ANKRD11: variants seen among roughly 807,000 people sequenced by gnomAD.
ANKRD11 encodes the protein ankyrin repeat domain 11, also known as ankyrin repeat domain-containing protein 11.
ANKRD11 carries 17 observed loss-of-function variants against 195.7 expected under a neutral mutation model. That is an observed-to-expected ratio of 0.09 (90% CI 0.06 to 0.13). The LOEUF (loss-of-function observed/expected upper bound fraction) is 0.13, where lower values mean the gene tolerates loss of function less well. Among genes scored for constraint, ANKRD11 ranks in the 10% least tolerant of loss-of-function variants. The pLI is 1.00. For missense variants in ANKRD11, 3,735 were observed against 3,566.1 expected, an observed-to-expected ratio of 1.05 and a Z score of -1.21; for synonymous variants, 1,953 against 1,528.1, an observed-to-expected ratio of 1.28 and a Z score of -6.49.
chr16:89,330,410 C>G (rs900304743), intron 2 of ANKRD11, among the ~76,000 whole-genome samples: 2 of 152,106 alleles, frequency 1.3e-5, no homozygotes, highest in African/African-American at 4.8e-5. Context: ...GCTCGCACAC[C>G]GGGAGGGCTG....
intron 1 of ANKRD11, among the ~76,000 whole-genome samples, chr16:89,423,097 G>C (rs545298384): frequency 9.2e-5 from 14 of 152,310 alleles, no homozygotes; most frequent in African/African-American, 3.4e-4. Flanking sequence ...TGGTTTCACA[G>C]CTGTGAGCTC....
At chr16:89,457,538 C>T (rs2056491813) in intron 1 of ANKRD11, among the ~76,000 whole-genome samples, 1 of 146,230 alleles carries the variant, frequency 6.8e-6, no homozygotes, top group South Asian at 2.2e-4. Context: ...GCGGAGGCTG[C>T]AGTGAGCTGA....
At chr16:89,274,322 C>T (rs1316852215) in intron 11 of ANKRD11, among the ~76,000 whole-genome samples, 1 of 152,214 alleles carries the variant, frequency 6.6e-6, no homozygotes, top group East Asian at 1.9e-4. Context: ...CGCCCTGGCC[C>T]AGATGAGCGG....
At chr16:89,317,860 G>C (rs1597610678) in intron 2 of ANKRD11, among the ~76,000 whole-genome samples, 1 of 152,156 alleles carries the variant, frequency 6.6e-6, no homozygotes, top group African/African-American at 2.4e-5. Context: ...CAAATTCCTA[G>C]ATAGCCAAGG....
chr16:89,437,612 T>C (rs1281160679), intron 1 of ANKRD11, among the ~76,000 whole-genome samples: 1 of 152,182 alleles, frequency 6.6e-6, no homozygotes, highest in Non-Finnish European at 1.5e-5. Context: ...ACTCACCAGA[T>C]GTCCAAGGGG....
At chr16:89,325,290 T>G (rs1281992685) in intron 2 of ANKRD11, among the ~76,000 whole-genome samples, 1 of 152,106 alleles carries the variant, frequency 6.6e-6, no homozygotes, top group Non-Finnish European at 1.5e-5. Context: ...GTTTAAAAAT[T>G]AGCCGGGCAC....
At chr16:89,448,975 A>G (rs2043933936) in intron 1 of ANKRD11, among the ~76,000 whole-genome samples, 1 of 152,236 alleles carries the variant, frequency 6.6e-6, no homozygotes, top group African/African-American at 2.4e-5. Context: ...GGTAGCAGCC[A>G]TCAACCATCA....
At chr16:89,416,312 T>C (rs924660220) in intron 2 of ANKRD11, among the ~76,000 whole-genome samples, 129 of 152,004 alleles carry the variant, frequency 8.5e-4, no homozygotes, top group South Asian at 1.9e-3. Context: ...TTTTTTTTTT[T>C]CCCCAGAGAC....
intron 3 of ANKRD11, among the ~76,000 whole-genome samples, chr16:89,308,978 G>C (rs1567620914): frequency 6.6e-6 from 1 of 152,200 alleles, no homozygotes; most frequent in Non-Finnish European, 1.5e-5. Context: ...GTACCCCAAA[G>C]ATCAGCCCTC....
chr16:89,314,553 G>C (rs986674328), intron 3 of ANKRD11, among the ~76,000 whole-genome samples: 1 of 152,162 alleles, frequency 6.6e-6, no homozygotes, highest in African/African-American at 2.4e-5. Flanking sequence ...TTCTCGTCTC[G>C]TGCTACCCTG....
chr16:89,400,949 A>ACACAT (rs2041656530), intron 2 of ANKRD11, among the ~76,000 whole-genome samples: 1 of 152,158 alleles, frequency 6.6e-6, no homozygotes, highest in Non-Finnish European at 1.5e-5. Context: ...GGGTTCACAG[A>ACACAT]CACATCCCCC....
chr16:89,384,341 T>G (rs144023230), intron 2 of ANKRD11, among the ~76,000 whole-genome samples: 3,158 of 152,162 alleles, frequency 0.021, 123 homozygotes, highest in African/African-American at 0.073. Flanking sequence ...GACCAGCCCG[T>G]CCAACATAGC....
At chr16:89,276,092 G>C (rs74033731) in intron 9 of ANKRD11, among the ~76,000 whole-genome samples, 1,690 of 152,350 alleles carry the variant, frequency 0.011, 32 homozygotes, top group African/African-American at 0.038. Context: ...GGAACATCGA[G>C]GGGCCAGTCA....
At position 89,280,196 on chromosome 16, in the gene ANKRD11, C is replaced by T; in HGVS notation, c.6346G>A (p.Glu2116Lys). 6 of 1,608,598 alleles carry T rather than the reference C, an allele frequency of 3.7e-6. No homozygotes were observed. The highest frequency in any genetic ancestry group is 4.2e-6 in the Non-Finnish European group (5 of 1,179,128). ...AAGGCGTCCGCCCAGGGCACCGGCT[C>T]CACCTGGCCGAGGTGAGACAGGCCG... is the stretch of plus-strand genomic sequence containing the variant. ...SRGLSHLGQV[E>K]PVPWADAFAG... Residue 2116 changes from glutamate (E) to lysine (K), a missense_variant, in exon 9 of 13, where the codon GAG becomes AAG. Transcript: ENST00000301030.
intron 1 of ANKRD11, among the ~76,000 whole-genome samples, chr16:89,444,990 C>T (rs2043718486): frequency 1.3e-5 from 2 of 152,126 alleles, no homozygotes; most frequent in Admixed American, 1.3e-4. Context: ...CACTGCCACC[C>T]TTGCAAACCT....
chr16:89,331,944 T>C (rs1353083634), intron 2 of ANKRD11, among the ~76,000 whole-genome samples: 2 of 152,136 alleles, frequency 1.3e-5, no homozygotes, highest in Non-Finnish European at 2.9e-5. Context: ...ATCACCACTG[T>C]GTTCACCACA....
At chr16:89,376,816 A>G (rs1390153774) in intron 2 of ANKRD11, among the ~76,000 whole-genome samples, 1 of 152,244 alleles carries the variant, frequency 6.6e-6, no homozygotes, top group East Asian at 1.9e-4. Context: ...TTTGTTAGTA[A>G]GAAAGAGAAG....
intron 2 of ANKRD11, among the ~76,000 whole-genome samples, chr16:89,409,829 AATTTATTTATTT>A (rs1262220424): frequency 6.6e-6 from 1 of 151,396 alleles, no homozygotes; most frequent in Non-Finnish European, 1.5e-5. Flanking sequence ...TTTCAATCTA[AATTTATTTATTT>A]ATTTATTTAT....
chr16:89,393,750 C>T (rs150847606), intron 2 of ANKRD11, among the ~76,000 whole-genome samples: 1 of 152,190 alleles, frequency 6.6e-6, no homozygotes, highest in East Asian at 1.9e-4. Context: ...CCAGCTGGGC[C>T]TATTGCCCTT....
Sources: allele counts gnomAD v4.1 joint callset (sites outside exome capture counted in the v4.1 genomes callset), GRCh38; gene constraint gnomAD v4.1.1; transcripts MANE v1.5; gene names NCBI Gene and HGNC (gene_info 2026-07-23, HGNC 2026-07-21).